Variants in MEI1 observed in about 807,000 individuals in gnomAD.
The protein encoded by MEI1 is meiosis inhibitor protein 1.
MEI1 carries 103 observed loss-of-function variants against 146.2 expected under a neutral mutation model. The ratio of observed to expected loss-of-function variants is 0.70; its 90% confidence interval spans 0.60 to 0.83. MEI1 has a LOEUF of 0.83. MEI1 is among the 40% of genes least tolerant of loss of function. The probability of loss-of-function intolerance (pLI) is 0.00; values close to 1 mark genes in which losing one functional copy is unlikely to be tolerated. For synonymous variants in MEI1, 652 were observed against 628.2 expected (o/e 1.04, Z -0.57); for missense variants, 1,529 against 1,533.0 (o/e 1.00, Z 0.04).
chr22:41,711,681 A>G (rs1423141921), intron 3 of MEI1, among the ~76,000 whole-genome samples: 1 of 152,094 alleles, frequency 6.6e-6, no homozygotes, highest in Non-Finnish European at 1.5e-5. Context: ...TTGAACCTCC[A>G]GTGACAGAAC....
At chr22:41,720,131 C>T (rs2070628053) in intron 6 of MEI1, among the ~76,000 whole-genome samples, 1 of 152,024 alleles carries the variant, frequency 6.6e-6, no homozygotes, top group Non-Finnish European at 1.5e-5. Flanking sequence ...AGGTGCACAG[C>T]AGAGGGTAGG....
intron 11 of MEI1, among the ~76,000 whole-genome samples, chr22:41,733,984 C>T (rs1316829977): frequency 6.6e-6 from 1 of 150,756 alleles, no homozygotes; most frequent in African/African-American, 2.4e-5. Context: ...AAAAATTAGC[C>T]GGATGTGGTG....
Position 41,797,650 on chromosome 22 carries a change from G to T in MEI1, c.3780-1604G>T, listed in dbSNP as rs116988798. ...ATTACCTTCTGGCTATGTGTACAAGGTGTATATAAAACAAATGAATTTTGT... is the reference window on the plus strand; with the variant it reads ...ATTACCTTCTGGCTATGTGTACAAGTTGTATATAAAACAAATGAATTTTGT... On this transcript the variant is annotated intron_variant, in intron 30 of 30. Coordinates refer to ENST00000401548, the MANE Select transcript of MEI1 (RefSeq NM_152513.4). Among the ~76,000 whole-genome samples, 188 of 152,138 alleles carry T rather than the reference G, an allele frequency of 1.2e-3. 3 individuals are homozygous for T. In the East Asian group the frequency reaches 0.032, roughly 26 times the overall value.
At chr22:41,772,369 G>A (rs1183232150) in intron 20 of MEI1, among the ~76,000 whole-genome samples, 3 of 152,154 alleles carry the variant, frequency 2.0e-5, no homozygotes, top group African/African-American at 4.8e-5. Context: ...TTGGCTGGGC[G>A]TGGCAGCTCA....
intron 19 of MEI1, 49 bp from the exon 20 acceptor site, chr22:41,770,637 T>G: frequency 6.4e-7 from 1 of 1,563,824 alleles, no homozygotes; most frequent in Non-Finnish European, 8.7e-7. Context: ...TGGGGTCTCT[T>G]GGGTCCTCTG....
intron 4 of MEI1, 102 bp from the exon 5 acceptor site, chr22:41,715,939 C>A: frequency 1.3e-6 from 1 of 795,560 alleles, no homozygotes; most frequent in South Asian, 1.7e-5. Flanking sequence ...TGGTGAGAGA[C>A]ACATGCAATA....
intron 1 of MEI1, among the ~76,000 whole-genome samples, chr22:41,702,592 T>C (rs1174398108): frequency 1.3e-5 from 2 of 151,982 alleles, no homozygotes; most frequent in African/African-American, 4.8e-5. Flanking sequence ...GATATAGGCA[T>C]GCGCCACCAC....
rs764590377 is a variant in MEI1 at position 41,781,361 on chromosome 22, C to T, written c.2893C>T (p.Leu965Phe). 15 of 1,613,554 alleles carry T rather than the reference C, an allele frequency of 9.3e-6. No homozygotes were observed. The highest frequency in any genetic ancestry group is 1.3e-5 in the Non-Finnish European group (15 of 1,179,752). Residue 965 changes from leucine to phenylalanine, a missense_variant, in exon 23 of 31, where the codon CTT becomes TTT. Coordinates refer to ENST00000401548, the MANE Select transcript of MEI1 (RefSeq NM_152513.4). ...QPSFNFLYWS[L>F]HQTTPSSQKR... is the part of the protein sequence containing the mutation. Reference sequence around the variant, plus strand: ...CTCCTTCAACTTCCTGTATTGGAGCCTTCATCAGACCACACCCAGCAGTCA... The same window carrying T: ...CTCCTTCAACTTCCTGTATTGGAGCTTTCATCAGACCACACCCAGCAGTCA...
chr22:41,749,797 A>G (rs2073619839), intron 15 of MEI1, among the ~76,000 whole-genome samples: 1 of 151,952 alleles, frequency 6.6e-6, no homozygotes. Context: ...GGCTTGAAAG[A>G]GAGGGAACAG....
intron 3 of MEI1, 32 bp downstream of exon 3, chr22:41,705,586 G>A: frequency 6.3e-7 from 1 of 1,589,786 alleles, no homozygotes. Context: ...AGCACTTGAA[G>A]ATGAAAGTAT....
intron 26 of MEI1, among the ~76,000 whole-genome samples, chr22:41,787,931 A>G (rs1343458425): frequency 2.0e-5 from 3 of 152,252 alleles, no homozygotes; most frequent in Non-Finnish European, 4.4e-5. Context: ...GAAATGCCCA[A>G]TGAGCATCTG....
intron 20 of MEI1, among the ~76,000 whole-genome samples, chr22:41,773,987 A>G (rs1204129901): frequency 1.3e-5 from 2 of 152,244 alleles, no homozygotes; most frequent in African/African-American, 2.4e-5. Flanking sequence ...AAAAGAGTCT[A>G]AAAATTTTGT....
rs778459944 is a variant in MEI1, at chr22:41,776,194, C to T, written c.2637C>T (p.Gly879=). Residue 879 remains glycine, a synonymous_variant, in exon 21 of 31, where the codon GGC becomes GGT. Coordinates refer to ENST00000401548, the MANE Select transcript of MEI1 (RefSeq NM_152513.4). ...GGAGGAATGAGGATATCCAAGTGGG[C>T]GGTCTTATCCGAGGCCACTTCCTGC... ...FLRRNEDIQV[G]GLIRGHFLLI... 4.3e-6 allele frequency: 7 copies of T among 1,613,940 alleles called. No homozygotes were observed. In the South Asian group the frequency reaches 4.4e-5, roughly 10 times the overall value.
chr22:41,753,113 G>T (rs944080915), intron 16 of MEI1, among the ~76,000 whole-genome samples: 1 of 151,960 alleles, frequency 6.6e-6, no homozygotes, highest in South Asian at 2.1e-4. Flanking sequence ...CCGCCTCCTG[G>T]GTTCAAGCAA....
chr22:41,793,719 C>A, intron 26 of MEI1, 110 bp from the exon 27 acceptor site: 1 of 932,498 alleles, frequency 1.1e-6, no homozygotes, highest in Non-Finnish European at 1.6e-6. Context: ...AATCCCAAAT[C>A]TGAAATTCTG....
chr22:41,699,558 C>A lies in MEI1; in HGVS notation c.20C>A (p.Ala7Glu), dbSNP rs754116769. The change falls in exon 1 of 31, where the codon GCG becomes GAG. Residue 7 changes from alanine to glutamate, a missense_variant. Coordinates refer to ENST00000401548, the MANE Select transcript of MEI1 (RefSeq NM_152513.4). MAVRQA[A>E]TAGTPGPRRE... The stretch of plus-strand genomic sequence containing the variant: ...GAGGAGATGGCTGTGAGGCAGGCGG[C>A]GACGGCGGGCACTCCCGGGCCCAGG... 1.2e-6 allele frequency: 2 copies of A among 1,611,360 alleles called. No homozygotes were observed. Among genetic ancestry groups the A allele is most frequent in the Admixed American group, 1.7e-5 (1 of 59,834 alleles).
At chr22:41,782,747 G>A (rs1007155219) in intron 24 of MEI1, among the ~76,000 whole-genome samples, 2 of 152,166 alleles carry the variant, frequency 1.3e-5, no homozygotes, top group African/African-American at 4.8e-5. Flanking sequence ...CTAATTTTCC[G>A]TGTGAGGCTG....
intron 2 of MEI1, among the ~76,000 whole-genome samples, chr22:41,705,004 G>A (rs913934301): frequency 2.6e-5 from 4 of 151,418 alleles, no homozygotes; most frequent in Admixed American, 1.3e-4. Context: ...GTGAGCCACC[G>A]CGCCCGGCCA....
chr22:41,709,436 T>C lies in MEI1; in HGVS notation c.349+3882T>C, dbSNP rs2069361041. 3 of 686,806 alleles carry C rather than the reference T, an allele frequency of 4.4e-6. No homozygotes were observed. The Admixed American group carries it at 5.4e-5, about 12-fold the overall frequency. The allele number at this position is 686,806 out of a possible 1,614,324, so 42.5% of individuals were successfully genotyped here. ...GTGGATCTTCTCTGTGGTTCGTCCT[T>C]CACCTTGGCTTTATCTCCTTTAGCA... On this transcript the variant is annotated intron_variant, in intron 3 of 30. Transcript: ENST00000401548.
Sources: allele counts gnomAD v4.1 joint callset (sites outside exome capture counted in the v4.1 genomes callset), GRCh38; gene constraint gnomAD v4.1.1; transcripts MANE v1.5; gene names NCBI Gene and HGNC (gene_info 2026-07-23, HGNC 2026-07-21).